The following SH3GL2 variants were observed in gnomAD, a reference collection of about 807,000 sequenced individuals.
The protein encoded by SH3GL2 is SH3 domain containing GRB2 like 2, endophilin A1, also known as endophilin-A1.
A neutral mutation model predicts 46.0 loss-of-function variants in SH3GL2; 24 were observed. That is an observed-to-expected ratio of 0.52 (90% CI 0.38 to 0.73). The LOEUF (loss-of-function observed/expected upper bound fraction) is 0.73. SH3GL2 is among the 30% of genes least tolerant of loss of function. The pLI is 0.00. For missense variants in SH3GL2, 413 were observed against 424.2 expected, an observed-to-expected ratio of 0.97 and a Z score of 0.23; for synonymous variants, 196 against 147.1, an observed-to-expected ratio of 1.33 and a Z score of -2.40.
intron 1 of SH3GL2, among the ~76,000 whole-genome samples, chr9:17,678,116 G>A (rs1420137295): frequency 6.6e-6 from 1 of 152,124 alleles, no homozygotes; most frequent in Non-Finnish European, 1.5e-5. Flanking sequence ...TGTCTTTATA[G>A]CAGCATGATT....
At chr9:17,738,514 ATG>A (rs140453684) in intron 1 of SH3GL2, among the ~76,000 whole-genome samples, 19 of 126,262 alleles carry the variant, frequency 1.5e-4, no homozygotes, top group African/African-American at 4.5e-4. Context: ...ATATATACAT[ATG>A]TGTGTGTATA....
At chr9:17,735,005 C>T (rs1481493255) in intron 1 of SH3GL2, among the ~76,000 whole-genome samples, 2 of 152,038 alleles carry the variant, frequency 1.3e-5, no homozygotes, top group African/African-American at 4.8e-5. Context: ...CCCTACATTC[C>T]AGAACTAAAG....
chr9:17,643,155 G>T (rs1368265584), intron 1 of SH3GL2, among the ~76,000 whole-genome samples: 1 of 152,128 alleles, frequency 6.6e-6, no homozygotes, highest in Non-Finnish European at 1.5e-5. Flanking sequence ...TAGCAATTGT[G>T]AATGGGAGTT....
Position 17,795,761 on chromosome 9 carries a change from C to G in SH3GL2, c.*18C>G. On this transcript the variant is annotated 3_prime_UTR_variant, in exon 9 of 9. Transcript: ENST00000380607. Reference sequence around the variant, plus strand: ...CCCATTAGGATGTTATGCTGGCTGGCTCGCCTCCTCTTGACCCAGATAGTT... The same window carrying G: ...CCCATTAGGATGTTATGCTGGCTGGGTCGCCTCCTCTTGACCCAGATAGTT... 6.3e-7 allele frequency: 1 copy of G among 1,597,318 alleles called. No homozygotes were observed. The highest frequency in any genetic ancestry group is 8.6e-7 in the Non-Finnish European group (1 of 1,166,436).
intron 1 of SH3GL2, chr9:17,589,677 A>G (rs1818445186): frequency 6.6e-6 from 1 of 152,278 alleles, no homozygotes; most frequent in Admixed American, 6.5e-5. Flanking sequence ...GGCTGAGGCC[A>G]ACACAGACAG....
At chr9:17,612,731 A>C (rs1286084810) in intron 1 of SH3GL2, among the ~76,000 whole-genome samples, 2 of 152,190 alleles carry the variant, frequency 1.3e-5, no homozygotes, top group Admixed American at 1.3e-4. Flanking sequence ...TATTGGTTTT[A>C]AGTGTGTTCA....
intron 3 of SH3GL2, among the ~76,000 whole-genome samples, chr9:17,778,354 G>A (rs1010298411): frequency 1.3e-5 from 2 of 152,246 alleles, no homozygotes; most frequent in Non-Finnish European, 2.9e-5. Context: ...GGATGAGACT[G>A]ATAGAGAATA....
In SH3GL2 at chr9:17,773,638, G is replaced by T. The variant is rs1823558429; in HGVS notation, c.187+12129G>T. On this transcript the variant is annotated intron_variant, in intron 3 of 8. Transcript: ENST00000380607. ...CGTGTATGCAAGAGTTTATTTCTGG[G>T]CCCTCTGCTCTGTTCCCTTGGCCTA... Among the ~76,000 whole-genome samples, 3 of 152,148 alleles carry T rather than the reference G, an allele frequency of 2.0e-5. No individual in the cohort carries two copies. In the South Asian group the frequency reaches 6.2e-4, roughly 32 times the overall value.
intron 3 of SH3GL2, among the ~76,000 whole-genome samples, chr9:17,770,752 A>G (rs1326900702): frequency 3.9e-5 from 6 of 152,170 alleles, no homozygotes; most frequent in Non-Finnish European, 7.3e-5. Context: ...ACCACATGTC[A>G]AGGAACTGGG....
At chr9:17,722,274 T>C (rs970193794) in intron 1 of SH3GL2, among the ~76,000 whole-genome samples, 3 of 152,100 alleles carry the variant, frequency 2.0e-5, no homozygotes, top group Non-Finnish European at 4.4e-5. Context: ...TTAGTAAGCT[T>C]TACTGGTCTC....
intron 1 of SH3GL2, among the ~76,000 whole-genome samples, chr9:17,600,403 C>A (rs1818648580): frequency 6.6e-6 from 1 of 152,198 alleles, no homozygotes; most frequent in Non-Finnish European, 1.5e-5. Flanking sequence ...AAATAACCCA[C>A]CTCCACACAA....
At chr9:17,676,971 C>T (rs1487120376) in intron 1 of SH3GL2, among the ~76,000 whole-genome samples, 1 of 152,074 alleles carries the variant, frequency 6.6e-6, no homozygotes, top group Non-Finnish European at 1.5e-5. Context: ...CTTGGCTTCC[C>T]TCGGGAGAGA....
chr9:17,632,399 G>T (rs1024536692), intron 1 of SH3GL2, among the ~76,000 whole-genome samples: 1 of 151,990 alleles, frequency 6.6e-6, no homozygotes, highest in African/African-American at 2.4e-5. Flanking sequence ...TTTGATTTTT[G>T]ATTTTTATTA....
intron 1 of SH3GL2, among the ~76,000 whole-genome samples, chr9:17,671,788 T>C (rs974773675): frequency 6.6e-6 from 1 of 152,220 alleles, no homozygotes; most frequent in Non-Finnish European, 1.5e-5. Context: ...ACAAACTTAA[T>C]AAATGGCCTT....
chr9:17,626,954 G>A (rs897309171), intron 1 of SH3GL2, among the ~76,000 whole-genome samples: 5 of 152,162 alleles, frequency 3.3e-5, no homozygotes, highest in African/African-American at 1.2e-4. Flanking sequence ...GGTTCCCTGA[G>A]CAGGTCTGAG....
intron 1 of SH3GL2, among the ~76,000 whole-genome samples, chr9:17,720,284 G>A (rs1433192262): frequency 6.6e-6 from 1 of 152,084 alleles, no homozygotes; most frequent in Non-Finnish European, 1.5e-5. Flanking sequence ...ACATGCTTTC[G>A]ATACTTAGAT....
intron 1 of SH3GL2, among the ~76,000 whole-genome samples, chr9:17,652,747 C>T (rs1032021071): frequency 3.3e-5 from 5 of 152,130 alleles, no homozygotes; most frequent in African/African-American, 1.2e-4. Context: ...AGATGCTCAA[C>T]CTGTATTATT....
Position 17,761,450 on chromosome 9 carries a change from C to T in SH3GL2, c.128C>T (p.Thr43Ile). ...FKEMERKVDV[T>I]SRAVMEIMTK... is the part of the protein sequence containing the mutation. ...TTCTCATTTCAGAAAGTGGATGTCA[C>T]CAGCAGGGCTGTGATGGAAATAATG... is the stretch of plus-strand genomic sequence containing the variant. The change falls in exon 3 of 9, where the codon ACC becomes ATC. Residue 43 changes from threonine (T) to isoleucine (I), a missense_variant. Physicochemically the swap from Thr to Ile is moderately conservative, Grantham distance 89. Coordinates refer to ENST00000380607, the MANE Select transcript of SH3GL2 (RefSeq NM_003026.5). The T allele has an allele frequency of 6.2e-7, 1 of 1,604,768 alleles. No individual in the cohort carries two copies.
At chr9:17,599,135 T>C (rs1818624932) in intron 1 of SH3GL2, among the ~76,000 whole-genome samples, 1 of 152,200 alleles carries the variant, frequency 6.6e-6, no homozygotes, top group Non-Finnish European at 1.5e-5. Context: ...TTTTGTCACA[T>C]CTTAAAATAA....
Sources: allele counts gnomAD v4.1 joint callset (sites outside exome capture counted in the v4.1 genomes callset), GRCh38; gene constraint gnomAD v4.1.1; transcripts MANE v1.5; gene names NCBI Gene and HGNC (gene_info 2026-07-23, HGNC 2026-07-21).